The following WDFY2 variants were observed in gnomAD, a reference collection of about 807,000 sequenced individuals.
WDFY2 encodes the protein WD repeat and FYVE domain containing 2, also known as WD repeat and FYVE domain-containing protein 2.
Under a neutral mutation model 56.4 loss-of-function variants are expected in WDFY2, and 36 were observed. The ratio of observed to expected loss-of-function variants is 0.64; its 90% confidence interval spans 0.49 to 0.84. The LOEUF (loss-of-function observed/expected upper bound fraction) is 0.84, where lower values mean the gene tolerates loss of function less well. WDFY2 is among the 40% of genes least tolerant of loss of function. WDFY2 has a pLI of 0.00. For missense variants in WDFY2, 444 were observed against 512.2 expected, an observed-to-expected ratio of 0.87 and a Z score of 1.29; for synonymous variants, 176 against 183.7, an observed-to-expected ratio of 0.96 and a Z score of 0.34.
intron 5 of WDFY2, among the ~76,000 whole-genome samples, chr13:51,720,000 A>G (rs1298416309): frequency 6.6e-6 from 1 of 152,194 alleles, no homozygotes; most frequent in East Asian, 1.9e-4. Context: ...CGGCAAGCAC[A>G]GTATTGACTA....
intron 1 of WDFY2, among the ~76,000 whole-genome samples, chr13:51,602,201 T>C (rs1954299935): frequency 6.6e-6 from 1 of 152,226 alleles, no homozygotes; most frequent in Non-Finnish European, 1.5e-5. Context: ...TGAATGACAG[T>C]GGTCCCATAG....
chr13:51,759,711 C>A (rs1953519390), intron 11 of WDFY2, 29 bp from the exon 12 acceptor site: 1 of 1,612,546 alleles, frequency 6.2e-7, no homozygotes, highest in Non-Finnish European at 8.5e-7. Flanking sequence ...AATTTTAGTT[C>A]ATTCTGTATC....
chr13:51,659,735 T>A (rs1162991815), intron 1 of WDFY2, among the ~76,000 whole-genome samples: 1 of 152,230 alleles, frequency 6.6e-6, no homozygotes, highest in Non-Finnish European at 1.5e-5. Flanking sequence ...CTCTGTTCCA[T>A]AGCAAGCCTC....
At chr13:51,758,724 T>C (rs1402820623) in intron 11 of WDFY2, among the ~76,000 whole-genome samples, 2 of 152,100 alleles carry the variant, frequency 1.3e-5, no homozygotes, top group Non-Finnish European at 2.9e-5. Flanking sequence ...AAAAAGACTG[T>C]AATAGGTCAC....
At chr13:51,612,491 A>T (rs903578561) in intron 1 of WDFY2, among the ~76,000 whole-genome samples, 1 of 152,180 alleles carries the variant, frequency 6.6e-6, no homozygotes, top group African/African-American at 2.4e-5. Context: ...TTTTACAATT[A>T]AATTTTTTTT....
chr13:51,741,346 T>G (rs939898652), intron 7 of WDFY2, among the ~76,000 whole-genome samples: 2 of 152,242 alleles, frequency 1.3e-5, no homozygotes, highest in Non-Finnish European at 2.9e-5. Flanking sequence ...TATGAGGGAC[T>G]CCTTGTCATC....
rs941910309 is a variant in WDFY2 at position 51,744,774 on chromosome 13, A to G, written c.725+5599A>G. On this transcript the variant is annotated intron_variant, in intron 7 of 11. Coordinates refer to ENST00000298125, the MANE Select transcript of WDFY2 (RefSeq NM_052950.4). ...TAATGACCAGTTTGAAATGCTTTCT[A>G]GTATAAACGCTACAGTGATGTCAGC... Among the ~76,000 whole-genome samples, 7 of 152,362 alleles carry G rather than the reference A, an allele frequency of 4.6e-5. No homozygotes were observed. The East Asian group carries it at 1.2e-3, about 25-fold the overall frequency.
intron 1 of WDFY2, among the ~76,000 whole-genome samples, chr13:51,648,899 C>T (rs2138421065): frequency 6.6e-6 from 1 of 152,274 alleles, no homozygotes; most frequent in Non-Finnish European, 1.5e-5. Context: ...GTAATCTCAG[C>T]ACTTTGGGAG....
At chr13:51,642,935 C>T (rs1470941821) in intron 1 of WDFY2, among the ~76,000 whole-genome samples, 1 of 152,160 alleles carries the variant, frequency 6.6e-6, no homozygotes, top group African/African-American at 2.4e-5. Context: ...CTTGGCCTCC[C>T]AAAGTGCTGG....
intron 11 of WDFY2, among the ~76,000 whole-genome samples, chr13:51,759,356 A>T (rs1282207978): frequency 6.6e-6 from 1 of 152,222 alleles, no homozygotes; most frequent in Non-Finnish European, 1.5e-5. Context: ...TGGAGGGTGG[A>T]ACAAATCTAT....
At chr13:51,726,052 C>T (rs1026389019) in intron 5 of WDFY2, among the ~76,000 whole-genome samples, 1 of 152,244 alleles carries the variant, frequency 6.6e-6, no homozygotes, top group Non-Finnish European at 1.5e-5. Context: ...AGAAGTCTCA[C>T]TGCCATCACT....
chr13:51,690,160 A>T (rs898100461), intron 3 of WDFY2, among the ~76,000 whole-genome samples: 5 of 148,236 alleles, frequency 3.4e-5, no homozygotes, highest in South Asian at 2.1e-4. Context: ...TATTTAAAAA[A>T]TTTTTCCATT....
At chr13:51,745,579 CAGAT>C (rs1953075962) in intron 7 of WDFY2, among the ~76,000 whole-genome samples, 3 of 152,114 alleles carry the variant, frequency 2.0e-5, no homozygotes, top group Admixed American at 6.5e-5. Context: ...CCTGTAGAAT[CAGAT>C]AGCCCAGAAA....
At chr13:51,612,651 C>T (rs148580061) in intron 1 of WDFY2, among the ~76,000 whole-genome samples, 1,659 of 152,280 alleles carry the variant, frequency 0.011, 27 homozygotes, top group African/African-American at 0.037. Context: ...ATGCTTTGGA[C>T]TAGTTGGGAA....
rs1485724613 is a variant in WDFY2, at chr13:51,670,536, C to CACAG, written c.206-4633_206-4632insCAGA. 4.7e-3 allele frequency among the ~76,000 whole-genome samples: 663 copies of CACAG among 141,768 alleles called. 6 individuals are homozygous for CACAG. The highest frequency in any genetic ancestry group is 0.011 in the Admixed American group (158 of 14,290). The allele number at this position is 141,768 out of a possible 152,430, so 93.0% of individuals were successfully genotyped here. ...ACACACACACACACACACACACACA[C>CACAG]AGATGTTTGCCTGGTGTTTTCCCAA... On this transcript the variant is annotated intron_variant, in intron 2 of 11. Transcript: ENST00000298125.
intron 1 of WDFY2, among the ~76,000 whole-genome samples, chr13:51,620,213 TG>T (rs1302438857): frequency 1.5e-4 from 1 of 6,784 alleles, no homozygotes; most frequent in Non-Finnish European, 2.6e-4. Context: ...GGCATCTGGG[TG>T]GGGGTGGGTG....
At chr13:51,651,096 C>G (rs183640134) in intron 1 of WDFY2, among the ~76,000 whole-genome samples, 1,689 of 152,184 alleles carry the variant, frequency 0.011, 28 homozygotes, top group African/African-American at 0.034. Flanking sequence ...TTCAGAGCCT[C>G]TTATTGGTCT....
intron 11 of WDFY2, among the ~76,000 whole-genome samples, chr13:51,758,801 C>G (rs969525378): frequency 6.6e-6 from 1 of 152,134 alleles, no homozygotes; most frequent in African/African-American, 2.4e-5. Context: ...CCTCCCTGAC[C>G]CATTCTTGGA....
chr13:51,715,620 A>G (rs915284088), intron 4 of WDFY2, among the ~76,000 whole-genome samples: 3 of 152,204 alleles, frequency 2.0e-5, no homozygotes, highest in Non-Finnish European at 4.4e-5. Flanking sequence ...TTTAAAATAT[A>G]TATATAAATA....
Sources: allele counts gnomAD v4.1 joint callset (sites outside exome capture counted in the v4.1 genomes callset), GRCh38; gene constraint gnomAD v4.1.1; transcripts MANE v1.5; gene names NCBI Gene and HGNC (gene_info 2026-07-23, HGNC 2026-07-21).